ESR2: variants seen among roughly 807,000 people sequenced by gnomAD.
The protein encoded by ESR2 is estrogen receptor beta.
Under a neutral mutation model 49.6 loss-of-function variants are expected in ESR2, and 36 were observed. The observed-to-expected ratio is 0.73, with a 90% confidence interval of 0.56 to 0.96. The LOEUF (loss-of-function observed/expected upper bound fraction) is 0.96. Ranked by LOEUF, ESR2 falls within the 40% of genes least tolerant of loss-of-function variation. The probability of loss-of-function intolerance (pLI) is 0.00; values close to 1 mark genes in which losing one functional copy is unlikely to be tolerated. For synonymous variants in ESR2, 320 were observed against 266.1 expected, an observed-to-expected ratio of 1.20 and a Z score of -1.97; for missense variants, 714 against 693.0, an observed-to-expected ratio of 1.03 and a Z score of -0.34.
chr14:64,303,099 C>T (rs1238471307), intron 1 of ESR2, among the ~76,000 whole-genome samples: 1 of 152,194 alleles, frequency 6.6e-6, no homozygotes, highest in African/African-American at 2.4e-5. Flanking sequence ...CGCGCCCAGC[C>T]AAGAGAGCCT....
At chr14:64,304,790 G>A (rs1263295215) in intron 1 of ESR2, among the ~76,000 whole-genome samples, 1 of 151,258 alleles carries the variant, frequency 6.6e-6, no homozygotes, top group African/African-American at 2.4e-5. Flanking sequence ...GTGGGAGGAT[G>A]GCTTGAGCCC....
Position 64,266,300 on chromosome 14 carries a change from C to A in ESR2, c.652+2495G>T, listed in dbSNP as rs945385551. On this transcript the variant is annotated intron_variant, in intron 4 of 8. Transcript: ENST00000341099. ...TATATGTTTTCATACTTATTGTTCACAAAACCAAGTGAAGCAGATATCTCT... is the reference window on the plus strand; with the variant it reads ...TATATGTTTTCATACTTATTGTTCAAAAAACCAAGTGAAGCAGATATCTCT... Among the ~76,000 whole-genome samples, 4 of 152,150 alleles carry A rather than the reference C, an allele frequency of 2.6e-5. No homozygotes were observed. The East Asian group carries it at 7.7e-4, about 29-fold the overall frequency.
intron 1 of ESR2, among the ~76,000 whole-genome samples, chr14:64,303,189 A>C (rs2077047987): frequency 6.6e-6 from 1 of 151,974 alleles, no homozygotes; most frequent in Non-Finnish European, 1.5e-5. Context: ...GAATAACTAC[A>C]CTCCAGATTT....
upstream of ESR2, among the ~76,000 whole-genome samples, chr14:64,295,012 G>A (rs552177289): frequency 6.6e-6 from 1 of 152,320 alleles, no homozygotes; most frequent in South Asian, 2.1e-4. Context: ...CTCTTCTCGG[G>A]CGAAGGCCCC....
At chr14:64,253,767 A>G (rs1346437269) in intron 6 of ESR2, among the ~76,000 whole-genome samples, 2 of 152,088 alleles carry the variant, frequency 1.3e-5, no homozygotes, top group Non-Finnish European at 2.9e-5. Context: ...TTAGCATACA[A>G]ATAACTAATG....
chr14:64,318,537 CAAAA>C (rs58597271), intron 1 of ESR2, among the ~76,000 whole-genome samples: 8 of 32,426 alleles, frequency 2.5e-4, no homozygotes, highest in Admixed American at 5.5e-4. Flanking sequence ...AACTCCATCT[CAAAA>C]AAAAAAAAAA....
rs1221374014 is a variant in ESR2 at position 64,229,633 on chromosome 14, GCATGGTCA to G, written c.*3496_*3503del. On this transcript the variant is annotated 3_prime_UTR_variant, in exon 9 of 9. Coordinates refer to ENST00000341099, the MANE Select transcript of ESR2 (RefSeq NM_001437.3). ...TTTAAATTTTTAAACTGTTTGAAGT[GCATGGTCA>G]CTGTCAGCACTGGACTTGGACTGCC... 6.6e-6 allele frequency among the ~76,000 whole-genome samples: 1 copy of G among 152,194 alleles called. No individual in the cohort carries two copies. The highest frequency in any genetic ancestry group is 1.5e-5 in the Non-Finnish European group (1 of 68,036).
chr14:64,251,515 C>A (rs2075990167), intron 6 of ESR2, among the ~76,000 whole-genome samples: 1 of 152,056 alleles, frequency 6.6e-6, no homozygotes, highest in Admixed American at 6.6e-5. Flanking sequence ...TGCCTTAGTT[C>A]CTCAATATTG....
chr14:64,333,535 TG>T, intron 1 of ESR2, among the ~76,000 whole-genome samples: 1 of 152,120 alleles, frequency 6.6e-6, no homozygotes, highest in East Asian at 1.9e-4. Context: ...TGCCCAAGAC[TG>T]GGTAATTTAT....
chr14:64,304,418 G>A (rs1478704267), intron 1 of ESR2, among the ~76,000 whole-genome samples: 1 of 152,130 alleles, frequency 6.6e-6, no homozygotes, highest in Non-Finnish European at 1.5e-5. Context: ...GGGGTCTTTG[G>A]TGCTGTTTGT....
At chr14:64,239,412 T>C (rs374171653) in intron 7 of ESR2, among the ~76,000 whole-genome samples, 14 of 152,360 alleles carry the variant, frequency 9.2e-5, no homozygotes, top group African/African-American at 3.4e-4. Context: ...AAAATAGGAT[T>C]TCCTGGCTTA....
intron 1 of ESR2, among the ~76,000 whole-genome samples, chr14:64,317,862 T>C (rs1156639992): frequency 6.6e-6 from 1 of 152,192 alleles, no homozygotes; most frequent in Non-Finnish European, 1.5e-5. Flanking sequence ...CTCAACTTGA[T>C]AACAAGCATC....
intron 3 of ESR2, among the ~76,000 whole-genome samples, chr14:64,275,974 G>A (rs762942166): frequency 1.5e-4 from 23 of 152,194 alleles, no homozygotes; most frequent in Non-Finnish European, 3.1e-4. Context: ...GAAAATTAAC[G>A]AGAGATAAAT....
chr14:64,275,211 T>C (rs1208952077), intron 3 of ESR2, among the ~76,000 whole-genome samples: 1 of 152,222 alleles, frequency 6.6e-6, no homozygotes, highest in African/African-American at 2.4e-5. Context: ...TGTCCAGCTA[T>C]TACCATATCA....
intron 6 of ESR2, among the ~76,000 whole-genome samples, chr14:64,250,857 C>G (rs2075971805): frequency 6.6e-6 from 1 of 152,190 alleles, no homozygotes; most frequent in African/African-American, 2.4e-5. Context: ...TTCCGAAGCA[C>G]TCACACTCTC....
chr14:64,299,629 T>C (rs551102416), intron 1 of ESR2, among the ~76,000 whole-genome samples: 6 of 152,296 alleles, frequency 3.9e-5, no homozygotes, highest in Admixed American at 2.6e-4. Flanking sequence ...CCCAAAGTGC[T>C]GGGATTACAG....
At chr14:64,313,688 G>T (rs1367328468) in intron 1 of ESR2, among the ~76,000 whole-genome samples, 1 of 151,676 alleles carries the variant, frequency 6.6e-6, no homozygotes. Flanking sequence ...AGGAGATCGA[G>T]ACCATCCTGG....
intron 1 of ESR2, among the ~76,000 whole-genome samples, chr14:64,286,530 G>A (rs929271053): frequency 2.0e-5 from 3 of 152,136 alleles, no homozygotes; most frequent in Non-Finnish European, 2.9e-5. Flanking sequence ...TTGAACTTCC[G>A]ACCTCAAATG....
rs574829227 is a variant in ESR2, at chr14:64,319,179, A to G, written c.-91+18719T>C. On this transcript the variant is annotated intron_variant, in intron 1 of 8. Coordinates refer to the ESR2 transcript ENST00000358599. ...TCAATCAAGAAAGGATAGTCTTTTC[A>G]ACACATGGTACTAGAACAACTACAT... 3.0e-4 allele frequency among the ~76,000 whole-genome samples: 46 copies of G among 152,352 alleles called. No individual in the cohort carries two copies. The South Asian group carries it at 9.5e-3, about 32-fold the overall frequency.
Sources: allele counts gnomAD v4.1 joint callset (sites outside exome capture counted in the v4.1 genomes callset), GRCh38; gene constraint gnomAD v4.1.1; transcripts MANE v1.5; gene names NCBI Gene and HGNC (gene_info 2026-07-23, HGNC 2026-07-21).